Variants in PIWIL1 observed in about 807,000 individuals in gnomAD.
PIWIL1 encodes the protein piwi like RNA-mediated gene silencing 1, also known as piwi-like protein 1.
In PIWIL1, 73 loss-of-function variants were observed where a neutral mutation model predicts 114.4. That is an observed-to-expected ratio of 0.64 (90% CI 0.53 to 0.78). The LOEUF (loss-of-function observed/expected upper bound fraction) is 0.78, where lower values mean the gene tolerates loss of function less well. Among genes scored for constraint, PIWIL1 ranks in the 30% least tolerant of loss-of-function variants. The probability of loss-of-function intolerance (pLI) is 0.00; values close to 1 mark genes in which losing one functional copy is unlikely to be tolerated. For missense variants in PIWIL1, 723 were observed against 1,063.1 expected (o/e 0.68, Z 4.45); for synonymous variants, 375 against 369.0 (o/e 1.02, Z -0.19).
chr12:130,407,314 C>G, the PIWIL1 span, among the ~76,000 whole-genome samples: 5 of 152,326 alleles, frequency 3.3e-5, no homozygotes, highest in East Asian at 7.7e-4. Context: ...CCAGGCGACA[C>G]AACCTCACCT....
At chr12:130,424,098 T>A in the PIWIL1 span, 3 of 1,023,678 alleles carry the variant, frequency 2.9e-6, no homozygotes, top group Admixed American at 8.5e-5. This position sits in a 1 kb window ranked among gnomAD's most constrained non-coding sequence, Gnocchi z 9.8. Context: ...ATGGGACAGA[T>A]TGGTTTGGCA....
chr12:130,391,281 C>G, the PIWIL1 span, among the ~76,000 whole-genome samples: 2 of 152,204 alleles, frequency 1.3e-5, no homozygotes, highest in African/African-American at 4.8e-5. Context: ...TCAGGAACAA[C>G]GCGGGTGAGA....
chr12:130,382,053 T>C, the PIWIL1 span, among the ~76,000 whole-genome samples: 1 of 152,258 alleles, frequency 6.6e-6, no homozygotes, highest in Admixed American at 6.5e-5. Flanking sequence ...AACAGTCCTT[T>C]ATCAGATAGG....
the PIWIL1 span, among the ~76,000 whole-genome samples, chr12:130,380,246 A>C: frequency 2.0e-5 from 3 of 151,530 alleles, no homozygotes; most frequent in Non-Finnish European, 4.4e-5. Context: ...CCATCCAAGC[A>C]TTGACAATTC....
intron 14 of PIWIL1, among the ~76,000 whole-genome samples, chr12:130,359,466 C>T (rs544836955): frequency 1.3e-5 from 2 of 152,290 alleles, no homozygotes; most frequent in Non-Finnish European, 2.9e-5. Flanking sequence ...CCATTCCCTG[C>T]CCTGCTCTTG....
chr12:130,375,549 A>G (rs1471997205), downstream of PIWIL1, among the ~76,000 whole-genome samples: 1 of 152,230 alleles, frequency 6.6e-6, no homozygotes, highest in Non-Finnish European at 1.5e-5. Context: ...GCACTCGGCC[A>G]GAGCACACCC....
At chr12:130,347,848 A>C (rs1253101520) in intron 6 of PIWIL1, among the ~76,000 whole-genome samples, 1 of 152,236 alleles carries the variant, frequency 6.6e-6, no homozygotes, top group Non-Finnish European at 1.5e-5. Context: ...GCTGTGTGCC[A>C]GTAGAACTAT....
At chr12:130,347,858 T>C (rs564741403) in intron 6 of PIWIL1, among the ~76,000 whole-genome samples, 2 of 152,208 alleles carry the variant, frequency 1.3e-5, no homozygotes, top group Non-Finnish European at 2.9e-5. Flanking sequence ...AGTAGAACTA[T>C]TGGTGGATGC....
chr12:130,389,487 A>C, the PIWIL1 span, among the ~76,000 whole-genome samples: 1 of 151,862 alleles, frequency 6.6e-6, no homozygotes, highest in Non-Finnish European at 1.5e-5. Flanking sequence ...TTAAGCTTTC[A>C]ATTTTTTATT....
At chr12:130,405,184 C>CA in the PIWIL1 span, among the ~76,000 whole-genome samples, 7 of 152,106 alleles carry the variant, frequency 4.6e-5, no homozygotes, top group South Asian at 1.5e-3. Flanking sequence ...TAATAAACAA[C>CA]AAAAATGGAG....
intron 18 of PIWIL1, among the ~76,000 whole-genome samples, chr12:130,364,540 TTG>T (rs1239889810): frequency 6.6e-6 from 1 of 152,232 alleles, no homozygotes; most frequent in East Asian, 1.9e-4. Flanking sequence ...TTTGAAATAG[TTG>T]TGTTTCAGAT....
intron 12 of PIWIL1, 68 bp downstream of exon 12, chr12:130,355,735 G>A (rs1018275330): frequency 1.8e-6 from 2 of 1,082,084 alleles, no homozygotes; most frequent in Non-Finnish European, 2.9e-6. Flanking sequence ...CCCCAGGCAG[G>A]AGTACAGTGG....
At chr12:130,393,403 G>T in the PIWIL1 span, among the ~76,000 whole-genome samples, 1 of 130,266 alleles carries the variant, frequency 7.7e-6, no homozygotes, top group Non-Finnish European at 1.8e-5. Context: ...CCGTCATCAC[G>T]TGGGTGCGTC....
At chr12:130,377,789 A>G in the PIWIL1 span, among the ~76,000 whole-genome samples, 1 of 152,226 alleles carries the variant, frequency 6.6e-6, no homozygotes, top group East Asian at 1.9e-4. Context: ...ACAAGCGGGC[A>G]CTTTGCCCTT....
chr12:130,414,336 C>T, the PIWIL1 span: 17 of 1,544,472 alleles, frequency 1.1e-5, no homozygotes, highest in Middle Eastern at 1.7e-4. Context: ...AAGAACAGAG[C>T]GGCAGTGAGC....
the PIWIL1 span, chr12:130,383,611 G>C: frequency 1.3e-5 from 2 of 152,166 alleles, no homozygotes; most frequent in Non-Finnish European, 1.5e-5. Context: ...TCCCACTCCA[G>C]ATTGGGGCGC....
At chr12:130,396,996 A>C in the PIWIL1 span, 1 of 161,088 alleles carries the variant, frequency 6.2e-6, no homozygotes, top group Non-Finnish European at 1.3e-5. Context: ...AAGCATTTTG[A>C]GAAGGGAGAA....
chr12:130,412,617 A>G, the PIWIL1 span: 3 of 1,613,378 alleles, frequency 1.9e-6, no homozygotes, highest in Non-Finnish European at 2.5e-6. Context: ...GTTTGCGCTT[A>G]CCTATTTTCT....
chr12:130,344,449 G>GTGATATTTAAAACTTCTGACA (rs2073014300), intron 3 of PIWIL1, among the ~76,000 whole-genome samples: 1 of 152,202 alleles, frequency 6.6e-6, no homozygotes, highest in African/African-American at 2.4e-5. Flanking sequence ...TGCTTTAGAC[G>GTGATATTTAAAACTTCTGACA]TGATATTTAA....
Sources: allele counts gnomAD v4.1 joint callset (sites outside exome capture counted in the v4.1 genomes callset), GRCh38; gene constraint gnomAD v4.1.1; non-coding constraint Gnocchi (gnomAD v3.1); transcripts MANE v1.5; gene names NCBI Gene and HGNC (gene_info 2026-07-23, HGNC 2026-07-21).